The following NRXN3 variants were observed in gnomAD, a reference collection of about 807,000 sequenced individuals.
NRXN3 encodes neurexin 3.
NRXN3 carries 32 observed loss-of-function variants against 137.6 expected under a neutral mutation model. That is an observed-to-expected ratio of 0.23 (90% confidence interval 0.18 to 0.31). The LOEUF is 0.31. Among genes scored for constraint, NRXN3 ranks in the 10% least tolerant of loss-of-function variants. NRXN3 has a pLI of 1.00. For synonymous variants in NRXN3, 798 were observed against 784.5 expected, an observed-to-expected ratio of 1.02 and a Z score of -0.29; for missense variants, 1,574 against 2,062.5, an observed-to-expected ratio of 0.76 and a Z score of 4.59.
intron 4 of NRXN3, among the ~76,000 whole-genome samples, chr14:78,349,508 A>G (rs2083194449): frequency 6.6e-6 from 1 of 152,152 alleles, no homozygotes; most frequent in African/African-American, 2.4e-5. Flanking sequence ...TTTCTCCCAC[A>G]TGTTCATTTT....
intron 15 of NRXN3, among the ~76,000 whole-genome samples, chr14:79,465,912 G>A (rs556840113): frequency 2.0e-5 from 3 of 152,276 alleles, no homozygotes; most frequent in African/African-American, 7.2e-5. Flanking sequence ...AGCCTTTCTG[G>A]TCACCAAATC....
At chr14:78,208,263 C>G (rs2062400706) in intron 1 of NRXN3, among the ~76,000 whole-genome samples, 1 of 152,110 alleles carries the variant, frequency 6.6e-6, no homozygotes, top group East Asian at 1.9e-4. Flanking sequence ...AAATATATAT[C>G]CTTAGCTTGA....
rs60009832 is a variant in NRXN3 at position 79,504,639 on chromosome 14, T to TATATATATGTATATATGTATATATA, written c.3444+37237_3444+37238insATATATATGTATATATGTATATATA. Reference sequence around the variant, plus strand: ...TAAACTTCCATTATAAAATGAAGTTTTTTATATATATATATGTATATATAT... The same window carrying TATATATATGTATATATGTATATATA: ...TAAACTTCCATTATAAAATGAAGTTTATATATATGTATATATGTATATATATTTATATATATATATGTATATATAT... On this transcript the variant is annotated intron_variant, in intron 16 of 20. Transcript: ENST00000335750. 1.0e-3 allele frequency among the ~76,000 whole-genome samples: 97 copies of TATATATATGTATATATGTATATATA among 93,348 alleles called. 1 individual carries two copies. The highest frequency in any genetic ancestry group is 3.8e-3 in the African/African-American group (91 of 24,070). The allele number at this position is 93,348 out of a possible 152,430, so 61.2% of individuals were successfully genotyped here.
chr14:78,832,303 A>C (rs2098984734), intron 10 of NRXN3, among the ~76,000 whole-genome samples: 2 of 152,194 alleles, frequency 1.3e-5, no homozygotes, highest in African/African-American at 4.8e-5. Flanking sequence ...GTTCTTGCCA[A>C]GAAAGAAAGA....
At chr14:78,592,816 A>G (rs1259652426) in intron 4 of NRXN3, among the ~76,000 whole-genome samples, 1 of 152,198 alleles carries the variant, frequency 6.6e-6, no homozygotes. Context: ...CGATAACTAA[A>G]CAATATCTGA....
chr14:79,174,929 A>G (rs1449283162), intron 15 of NRXN3, among the ~76,000 whole-genome samples: 1 of 151,892 alleles, frequency 6.6e-6, no homozygotes, highest in Non-Finnish European at 1.5e-5. Context: ...AGCAAAAGAA[A>G]TCAAATTTTA....
At chr14:78,974,625 G>A (rs530140214) in intron 14 of NRXN3, among the ~76,000 whole-genome samples, 3 of 152,130 alleles carry the variant, frequency 2.0e-5, no homozygotes, top group South Asian at 2.1e-4. Flanking sequence ...TTATTGGCAC[G>A]AACTTTCCTC....
intron 10 of NRXN3, among the ~76,000 whole-genome samples, chr14:78,895,028 T>C (rs1348682182): frequency 6.6e-6 from 1 of 151,862 alleles, no homozygotes; most frequent in Non-Finnish European, 1.5e-5. Context: ...TAGATTTTGC[T>C]AAATTCTGGG....
rs1181885224 is a variant in NRXN3, at chr14:79,668,327, A to C, written c.3616+4378A>C. ...ATTGCTATAGTACTTATTGATGACCAAAATACCTTCATATCGGTTATTACA... is the reference window on the plus strand; with the variant it reads ...ATTGCTATAGTACTTATTGATGACCCAAATACCTTCATATCGGTTATTACA... On this transcript the variant is annotated intron_variant, in intron 17 of 20. Transcript: ENST00000335750. Among the ~76,000 whole-genome samples the C allele has an allele frequency of 1.1e-4, 16 of 152,094 alleles. No individual in the cohort carries two copies. The East Asian group carries it at 2.9e-3, about 28-fold the overall frequency.
intron 2 of NRXN3, among the ~76,000 whole-genome samples, chr14:78,276,686 T>A (rs764906204): frequency 1.3e-5 from 2 of 152,172 alleles, no homozygotes; most frequent in Non-Finnish European, 2.9e-5. Flanking sequence ...CTCTGAAATT[T>A]AAGATTGTAA....
intron 4 of NRXN3, among the ~76,000 whole-genome samples, chr14:78,575,316 G>A (rs1263656851): frequency 6.6e-6 from 1 of 152,196 alleles, no homozygotes; most frequent in African/African-American, 2.4e-5. Flanking sequence ...AACACATGGA[G>A]GGGAAAGTGA....
intron 6 of NRXN3, among the ~76,000 whole-genome samples, chr14:78,691,485 G>C (rs1487146088): frequency 1.3e-5 from 2 of 152,152 alleles, no homozygotes. Flanking sequence ...CTCATTATTA[G>C]ATACCAAGAT....
intron 15 of NRXN3, among the ~76,000 whole-genome samples, chr14:79,236,659 G>A (rs1299711896): frequency 1.3e-5 from 2 of 151,970 alleles, no homozygotes; most frequent in Non-Finnish European, 2.9e-5. Flanking sequence ...CACCTATAAT[G>A]TCAGCACTTT....
At chr14:78,677,868 C>T (rs1202206916) in intron 6 of NRXN3, among the ~76,000 whole-genome samples, 4 of 152,122 alleles carry the variant, frequency 2.6e-5, no homozygotes, top group Non-Finnish European at 5.9e-5. Flanking sequence ...CCTACACCAG[C>T]AAAAAGATTA....
intron 4 of NRXN3, among the ~76,000 whole-genome samples, chr14:78,616,499 G>A (rs2097349178): frequency 1.3e-5 from 2 of 152,078 alleles, no homozygotes; most frequent in Admixed American, 1.3e-4. Flanking sequence ...TTGTCTCCAC[G>A]GAGTTTTTAG....
chr14:78,555,344 G>A (rs1184235658), intron 4 of NRXN3, among the ~76,000 whole-genome samples: 7 of 152,148 alleles, frequency 4.6e-5, no homozygotes, highest in Non-Finnish European at 5.9e-5. Flanking sequence ...GTCATGTAAT[G>A]GATTAGAGAC....
intron 4 of NRXN3, among the ~76,000 whole-genome samples, chr14:78,618,074 T>C (rs908714956): frequency 3.9e-5 from 6 of 152,058 alleles, no homozygotes; most frequent in Non-Finnish European, 7.4e-5. Flanking sequence ...TCTACTGTTT[T>C]ACAGTTAGCA....
intron 16 of NRXN3, among the ~76,000 whole-genome samples, chr14:79,512,429 C>T (rs898449082): frequency 1.3e-5 from 2 of 152,116 alleles, no homozygotes; most frequent in African/African-American, 4.8e-5. Flanking sequence ...AGCACTGTGT[C>T]AGGCATAAAA....
At chr14:78,893,375 A>G (rs1477169768) in intron 10 of NRXN3, among the ~76,000 whole-genome samples, 1 of 151,904 alleles carries the variant, frequency 6.6e-6, no homozygotes, top group Non-Finnish European at 1.5e-5. Context: ...TTCTCCTTCT[A>G]TTGACTAATC....
Sources: allele counts gnomAD v4.1 joint callset (sites outside exome capture counted in the v4.1 genomes callset), GRCh38; gene constraint gnomAD v4.1.1; transcripts MANE v1.5; gene names NCBI Gene and HGNC (gene_info 2026-07-23, HGNC 2026-07-21).